Variants in MYO15A observed in about 807,000 individuals in gnomAD.
MYO15A encodes unconventional myosin-XV.
A neutral mutation model predicts 394.6 loss-of-function variants in MYO15A; 308 were observed. The ratio of observed to expected loss-of-function variants is 0.78; its 90% CI spans 0.71 to 0.86. The LOEUF (loss-of-function observed/expected upper bound fraction) is 0.86. Ranked by LOEUF, MYO15A falls within the 40% of genes least tolerant of loss-of-function variation. The pLI, the probability that MYO15A is intolerant of heterozygous loss-of-function variation, is 0.00. For synonymous variants in MYO15A, 1,957 were observed against 2,003.8 expected (o/e 0.98, Z 0.62); for missense variants, 4,606 against 4,799.1 (o/e 0.96, Z 1.19).
At position 18,155,019 on chromosome 17, in the gene MYO15A, G is replaced by A. The variant is rs953045424; in HGVS notation, c.8225-91G>A. On this transcript the variant is annotated intron_variant, in intron 45 of 65. Transcript: ENST00000647165. ...GACACTGGTCAGATACCTTCTTGCT[G>A]GGTATCAGCCACCTCCCTCCCTGAC... 1.5e-5 allele frequency: 19 copies of A among 1,237,424 alleles called. No homozygotes were observed. In the African/African-American group the frequency reaches 2.1e-4, roughly 14 times the overall value. 76.7% of individuals were successfully genotyped at this position (1,237,424 alleles called of 1,614,324 possible).
In MYO15A at chr17:18,167,705, A is replaced by G. The variant is rs1285505239; in HGVS notation, c.10064A>G (p.His3355Arg). The change falls in exon 62 of 66, where the codon CAC (histidine) becomes CGC (arginine). Residue 3355 changes from histidine to arginine, a missense_variant. His to Arg is a conservative substitution (Grantham distance 29). Transcript: ENST00000647165. ...LASLQHRAKDHFYLPSVREVQ... is the reference protein window; with the variant it reads ...LASLQHRAKDRFYLPSVREVQ... ...TCACTGCAGCATCGCGCCAAGGACCACTTCTACCTGCCGAGCGTGTGAGCA... is the reference window on the plus strand; with the variant it reads ...TCACTGCAGCATCGCGCCAAGGACCGCTTCTACCTGCCGAGCGTGTGAGCA... 2.5e-6 allele frequency: 4 copies of G among 1,603,600 alleles called. No homozygotes were observed. The highest frequency in any genetic ancestry group is 1.7e-5 in the Admixed American group (1 of 60,026).
At chr17:18,123,662 C>A (rs1006066469) in intron 2 of MYO15A, 4 of 153,112 alleles carry the variant, frequency 2.6e-5, no homozygotes, top group African/African-American at 9.7e-5. Flanking sequence ...CAAGTGTGTA[C>A]CACAGCCAAA....
intron 4 of MYO15A, chr17:18,125,473 T>A (rs2046017355): frequency 3.8e-6 from 2 of 519,970 alleles, no homozygotes; most frequent in African/African-American, 4.0e-5. Context: ...GGCAGGTGGA[T>A]CACGAGGTCA....
chr17:18,170,561 G>A (rs947005212), intron 62 of MYO15A, among the ~76,000 whole-genome samples: 1 of 151,756 alleles, frequency 6.6e-6, no homozygotes, highest in African/African-American at 2.4e-5. Context: ...GTCTTACCAT[G>A]TTGACCAGAC....
chr17:18,143,783 G>A lies in MYO15A; in HGVS notation c.6033G>A (p.Leu2011=), dbSNP rs1247104144. Residue 2011 remains leucine (L), a synonymous_variant, in exon 27 of 66, where the codon TTG becomes TTA. Coordinates refer to ENST00000647165, the MANE Select transcript of MYO15A (RefSeq NM_016239.4). The part of the protein sequence containing the change: ...LEVPAELAGL[L]QAVAGLGLAQ... ...TACCGGCTGAGCTGGCTGGGCTCTT[G>A]CAAGCAGTGGCAGGTGGGTCAGCAC... 12 of 1,587,036 alleles carry A rather than the reference G, an allele frequency of 7.6e-6. No homozygotes were observed. The highest frequency in any genetic ancestry group is 1.3e-5 in the African/African-American group (1 of 74,412).
chr17:18,157,700 C>T lies in MYO15A; in HGVS notation c.8789-22C>T, dbSNP rs761971131. On this transcript the variant is annotated intron_variant, in intron 50 of 65. Transcript: ENST00000647165. ...CAAGACAAGACCCTCCTGTTTGCCT[C>T]AGACCTTTTACCCACCCCTAGGCTG... is the stretch of plus-strand genomic sequence containing the variant. 7 of 1,603,936 alleles carry T rather than the reference C, an allele frequency of 4.4e-6. No individual in the cohort carries two copies. In the South Asian group the frequency reaches 7.7e-5, roughly 18 times the overall value.
chr17:18,162,527 C>T (rs1410602248), intron 57 of MYO15A, 58 bp from the exon 58 acceptor site: 11 of 1,505,632 alleles, frequency 7.3e-6, no homozygotes, highest in Middle Eastern at 1.7e-4. Flanking sequence ...GCAAGAGGAG[C>T]GAGCCCCTTT....
rs1390498839 is a variant in MYO15A, at chr17:18,173,923, T to C, written c.10491+2T>C. The C allele has an allele frequency of 1.9e-6, 3 of 1,612,758 alleles. No homozygotes were observed. Among genetic ancestry groups the C allele is most frequent in the African/African-American group, 1.3e-5 (1 of 74,924 alleles). ...ACCTTGCAGCTGCAGCTGGAGCAGG[T>C]GGGCCCAGCGCTAAGTCCAACATTC... is the stretch of plus-strand genomic sequence containing the variant. On this transcript the variant is annotated splice_donor_variant, in intron 65 of 65. Coordinates refer to ENST00000647165, the MANE Select transcript of MYO15A (RefSeq NM_016239.4). LOFTEE classifies it high-confidence loss of function.
chr17:18,154,300 G>C (rs2046636823), intron 44 of MYO15A, 110 bp downstream of exon 44: 10 of 1,313,294 alleles, frequency 7.6e-6, no homozygotes, highest in Non-Finnish European at 1.1e-5. Context: ...TGGGGTCCTT[G>C]ACAGGGGTGA....
intron 59 of MYO15A, 92 bp downstream of exon 59, chr17:18,163,413 A>T: frequency 7.6e-7 from 1 of 1,313,106 alleles, no homozygotes; most frequent in South Asian, 1.2e-5. Context: ...TAAGCCCCCA[A>T]TGATGCTGAG....
In MYO15A at chr17:18,137,663, T is replaced by C. The variant is rs1168342333; in HGVS notation, c.4859T>C (p.Val1620Ala). 1 of 1,614,172 alleles carries C rather than the reference T, an allele frequency of 6.2e-7. No individual in the cohort carries two copies. Among genetic ancestry groups the C allele is most frequent in the Non-Finnish European group, 8.5e-7 (1 of 1,180,010 alleles). ...CTTCAGTACCTTTTCAACAAGATCGTCTTCCAGGAGGAGCAGGTGTGTGGG... is the reference window on the plus strand; with the variant it reads ...CTTCAGTACCTTTTCAACAAGATCGCCTTCCAGGAGGAGCAGGTGTGTGGG... ...ENLQYLFNKIVFQEEQEEYIR... is the reference protein window; with the variant it reads ...ENLQYLFNKIAFQEEQEEYIR... The change falls in exon 16 of 66, where the codon GTC becomes GCC. Residue 1620 changes from valine to alanine, a missense_variant. By Grantham distance (64) the Val-to-Ala change is moderately conservative. This residue lies in a region of MYO15A where 2,776 missense variants were observed against 3,109.3 expected (regional missense o/e 0.89). Transcript: ENST00000647165.
chr17:18,118,876 C>G lies in MYO15A; in HGVS notation c.76C>G (p.Pro26Ala), dbSNP rs372395052. ...KGKKAPEPEK[P>A]KRSLKGTSRL... is the part of the protein sequence containing the mutation. ...GAAGAAGGCACCGGAGCCGGAGAAG[C>G]CCAAACGGAGCCTGAAGGGGACGTC... The change falls in exon 2 of 66, where the codon CCC becomes GCC. Residue 26 changes from proline (P) to alanine (A), a missense_variant. By Grantham distance (27) the Pro-to-Ala change is conservative (BLOSUM62 -1). Transcript: ENST00000647165. 1.4e-5 allele frequency: 23 copies of G among 1,613,560 alleles called. No homozygotes were observed. Among genetic ancestry groups the G allele is most frequent in the Non-Finnish European group, 1.1e-5 (13 of 1,179,890 alleles).
intron 65 of MYO15A, among the ~76,000 whole-genome samples, chr17:18,175,308 T>TTTTTTTTTTTTTTTTTG (rs71155320): frequency 8.2e-5 from 12 of 147,144 alleles, no homozygotes; most frequent in Admixed American, 1.4e-4. Flanking sequence ...TTTTTTTTTT[T>TTTTTTTTTTTTTTTTTG]GAGGCAAAGT....
intron 61 of MYO15A, 103 bp downstream of exon 61, chr17:18,166,624 G>C: frequency 1.3e-6 from 2 of 1,490,420 alleles, no homozygotes; most frequent in South Asian, 2.3e-5. Context: ...CATGATTCAG[G>C]CCCTGTGGAT....
intron 35 of MYO15A, 21 bp downstream of exon 35, chr17:18,149,601 G>T: frequency 1.9e-6 from 3 of 1,610,226 alleles, no homozygotes; most frequent in Middle Eastern, 1.7e-4. Flanking sequence ...TGTGGGGTGG[G>T]TCATTTGCAG....
Position 18,143,564 on chromosome 17 carries a change from A to C in MYO15A, c.5911-2A>C. 6.4e-7 allele frequency: 1 copy of C among 1,556,160 alleles called. No individual in the cohort carries two copies. On this transcript the variant is annotated splice_acceptor_variant, in intron 25 of 65. Transcript: ENST00000647165. LOFTEE classifies it high-confidence loss of function. ...CCCAACCTGACATCTTCTCTTCTGA[A>C]GCTGAGGGCAGAGTGGAGGTGCCAG...
In MYO15A at chr17:18,146,166, C is replaced by T; in HGVS notation, c.6509+59C>T. ...GGACGGTGGCACCAGCAGTGGAGCC[C>T]AAGGCAGGGTCTTAAAGGTCAGGCC... On this transcript the variant is annotated intron_variant, in intron 30 of 65. Transcript: ENST00000647165. 3 of 1,534,194 alleles carry T rather than the reference C, an allele frequency of 2.0e-6. No homozygotes were observed. The South Asian group carries it at 3.5e-5, about 18-fold the overall frequency.
intron 4 of MYO15A, 152 bp from the exon 5 acceptor site, chr17:18,126,195 A>G (rs2046034759): frequency 1.4e-6 from 1 of 692,756 alleles, no homozygotes; most frequent in African/African-American, 1.8e-5. Flanking sequence ...TAGCCCAGCT[A>G]GCTGGTAGAG....
At chr17:18,159,233 C>T (rs774087910) in intron 53 of MYO15A, 42 bp from the exon 54 acceptor site, 47 of 1,602,298 alleles carry the variant, frequency 2.9e-5, no homozygotes, top group East Asian at 1.3e-4. Flanking sequence ...TCTGTTCTGA[C>T]GTGTCCCTCC....
Sources: gnomAD v4.1 joint callset for allele counts (sites outside exome capture counted in the v4.1 genomes callset) on GRCh38, gnomAD v4.1.1 for gene constraint, gnomAD v4.1.1 regional missense constraint, MANE v1.5 for transcripts, NCBI Gene and HGNC (gene_info 2026-07-23, HGNC 2026-07-21) for gene names.